The following ZFPM2 variants were observed in gnomAD, a reference collection of about 807,000 sequenced individuals.
ZFPM2 encodes the protein zinc finger protein, FOG family member 2.
Under a neutral mutation model 98.6 loss-of-function variants are expected in ZFPM2, and 20 were observed. The observed-to-expected ratio is 0.20, with a 90% CI of 0.14 to 0.29. The LOEUF is 0.29. ZFPM2 is among the 10% of genes least tolerant of loss of function. ZFPM2 has a pLI of 1.00. For missense variants in ZFPM2, 1,310 were observed against 1,388.6 expected, an observed-to-expected ratio of 0.94 and a Z score of 0.90; for synonymous variants, 518 against 502.7, an observed-to-expected ratio of 1.03 and a Z score of -0.41.
At chr8:105,522,568 G>A (rs28404699) in intron 3 of ZFPM2, among the ~76,000 whole-genome samples, 147 of 152,102 alleles carry the variant, frequency 9.7e-4, no homozygotes, top group African/African-American at 3.3e-3. Context: ...TCAGGAGTTC[G>A]AGACCAGCCT....
chr8:105,742,699 C>G (rs1391912038), intron 5 of ZFPM2, among the ~76,000 whole-genome samples: 3 of 152,020 alleles, frequency 2.0e-5, no homozygotes, highest in Admixed American at 2.0e-4. Context: ...CAAGACCAGC[C>G]TGACCAACAT....
At chr8:105,354,055 A>T (rs1812696245) in intron 1 of ZFPM2, among the ~76,000 whole-genome samples, 2 of 152,240 alleles carry the variant, frequency 1.3e-5, no homozygotes, top group Admixed American at 1.3e-4. Flanking sequence ...AGTAAACCTC[A>T]GTGGAGAGCA....
At chr8:105,527,899 CA>C (rs1563700685) in intron 3 of ZFPM2, among the ~76,000 whole-genome samples, 2 of 152,126 alleles carry the variant, frequency 1.3e-5, no homozygotes, top group African/African-American at 4.8e-5. Flanking sequence ...TCTTAAAAAT[CA>C]GCTAATCCAA....
intron 5 of ZFPM2, among the ~76,000 whole-genome samples, chr8:105,646,905 C>CTGGGTGGGTAT: frequency 6.6e-6 from 1 of 152,140 alleles, no homozygotes; most frequent in Non-Finnish European, 1.5e-5. Context: ...GATCTAAAGG[C>CTGGGTGGGTAT]TCTATACGCC....
chr8:105,695,962 T>G (rs755643485), intron 5 of ZFPM2, among the ~76,000 whole-genome samples: 31 of 152,310 alleles, frequency 2.0e-4, no homozygotes, highest in South Asian at 1.5e-3. Context: ...AATCTTTGTC[T>G]TACTTTTCAT....
chr8:105,798,498 G>T (rs759075102), intron 6 of ZFPM2: 3 of 468,104 alleles, frequency 6.4e-6, no homozygotes, highest in Non-Finnish European at 1.1e-5. Context: ...AAATGTTGGA[G>T]TCTCCTCTTT....
chr8:105,492,587 T>C (rs1428724329), intron 3 of ZFPM2, among the ~76,000 whole-genome samples: 2 of 152,126 alleles, frequency 1.3e-5, no homozygotes, highest in South Asian at 2.1e-4. Flanking sequence ...GTAAGAAGTA[T>C]TTTAGTACCA....
At chr8:105,694,268 G>C (rs562170233) in intron 5 of ZFPM2, among the ~76,000 whole-genome samples, 1 of 152,118 alleles carries the variant, frequency 6.6e-6, no homozygotes, top group East Asian at 1.9e-4. Context: ...TTACAGGCCT[G>C]AGCCACCGCG....
At chr8:105,520,098 TAAAG>T (rs915310864) in intron 3 of ZFPM2, among the ~76,000 whole-genome samples, 21 of 152,066 alleles carry the variant, frequency 1.4e-4, no homozygotes, top group African/African-American at 4.6e-4. Context: ...GGAACAAAAA[TAAAG>T]AAAATAACTA....
intron 5 of ZFPM2, among the ~76,000 whole-genome samples, chr8:105,708,549 C>A (rs1383394073): frequency 2.0e-5 from 3 of 152,062 alleles, no homozygotes; most frequent in African/African-American, 7.2e-5. Context: ...CCCACCTCAG[C>A]CTCCCGAGTA....
At chr8:105,514,003 C>CTTTT (rs111594419) in intron 3 of ZFPM2, among the ~76,000 whole-genome samples, 3 of 140,794 alleles carry the variant, frequency 2.1e-5, no homozygotes, top group Non-Finnish European at 3.1e-5. Context: ...TCCGGAGTGT[C>CTTTT]TTTTTTTTTT....
At chr8:105,323,310 A>G (rs1057172062) in intron 1 of ZFPM2, among the ~76,000 whole-genome samples, 2 of 151,916 alleles carry the variant, frequency 1.3e-5, no homozygotes, top group Non-Finnish European at 2.9e-5. Flanking sequence ...AAATATTAAG[A>G]CAGGTTTTTG....
At chr8:105,565,449 G>A (rs1318210022) in intron 4 of ZFPM2, among the ~76,000 whole-genome samples, 2 of 152,088 alleles carry the variant, frequency 1.3e-5, no homozygotes, top group Non-Finnish European at 2.9e-5. Context: ...TGCTTTACAT[G>A]TTTTATATCA....
intron 5 of ZFPM2, among the ~76,000 whole-genome samples, chr8:105,737,918 A>G (rs770896095): frequency 1.3e-5 from 2 of 151,990 alleles, no homozygotes; most frequent in African/African-American, 4.8e-5. Flanking sequence ...GCAAAATACA[A>G]TAGTATTTTT....
intron 5 of ZFPM2, among the ~76,000 whole-genome samples, chr8:105,778,920 G>A (rs376884645): frequency 5.2e-5 from 7 of 133,744 alleles, no homozygotes; most frequent in African/African-American, 8.5e-5. Context: ...TTACGCATAC[G>A]TCTTTTTTCT....
At chr8:105,647,227 T>A (rs1376077060) in intron 5 of ZFPM2, among the ~76,000 whole-genome samples, 1 of 152,202 alleles carries the variant, frequency 6.6e-6, no homozygotes, top group Non-Finnish European at 1.5e-5. Context: ...TGACTTCTAT[T>A]GTATAATCTG....
In ZFPM2 at chr8:105,802,023, C is replaced by A. The variant is rs377517230; in HGVS notation, c.1941C>A (p.Ser647=). The change falls in exon 8 of 8, where the codon TCC becomes TCA. Residue 647 remains serine (S), a synonymous_variant. Transcript: ENST00000407775. ...GGAAGGGCCATGACAAGGACTTTTC[C>A]ACTCAAACTAAGAAGCTCTCCACCT... ...PNGKGHDKDF[S]TQTKKLSTSS... is the part of the protein sequence containing the mutation. 21 of 1,613,814 alleles carry A rather than the reference C, an allele frequency of 1.3e-5. No individual in the cohort carries two copies. Among genetic ancestry groups the A allele is most frequent in the Non-Finnish European group, 1.8e-5 (21 of 1,179,858 alleles).
At chr8:105,495,309 TG>T (rs1813444033) in intron 3 of ZFPM2, among the ~76,000 whole-genome samples, 1 of 152,220 alleles carries the variant, frequency 6.6e-6, no homozygotes, top group Admixed American at 6.5e-5. Flanking sequence ...ATTTGTTCCC[TG>T]GGTGCAGCAC....
chr8:105,442,187 A>G (rs1812266696), intron 2 of ZFPM2, among the ~76,000 whole-genome samples: 1 of 151,252 alleles, frequency 6.6e-6, no homozygotes, highest in Non-Finnish European at 1.5e-5. Context: ...CAAAAAAAAA[A>G]AAAAAAATTA....
Sources: allele counts gnomAD v4.1 joint callset (sites outside exome capture counted in the v4.1 genomes callset), GRCh38; gene constraint gnomAD v4.1.1; transcripts MANE v1.5; gene names NCBI Gene and HGNC (gene_info 2026-07-23, HGNC 2026-07-21).